The following SCN7A variants were observed in gnomAD, a reference collection of about 807,000 sequenced individuals.
The protein encoded by SCN7A is sodium voltage-gated channel alpha subunit 7.
Under a neutral mutation model 155.2 loss-of-function variants are expected in SCN7A, and 138 were observed. The observed-to-expected ratio is 0.89, with a 90% CI of 0.77 to 1.02. The LOEUF (loss-of-function observed/expected upper bound fraction) is 1.02. Ranked by LOEUF, SCN7A falls within the 50% of genes least tolerant of loss-of-function variation. SCN7A has a pLI of 0.00. For synonymous variants in SCN7A, 693 were observed against 649.0 expected, an observed-to-expected ratio of 1.07 and a Z score of -1.03; for missense variants, 2,058 against 1,986.6, an observed-to-expected ratio of 1.04 and a Z score of -0.68.
Position 166,432,545 on chromosome 2 carries a change from C to G in SCN7A, c.2365G>C (p.Asp789His). 6.2e-7 allele frequency: 1 copy of G among 1,613,360 alleles called. No individual in the cohort carries two copies. The highest frequency in any genetic ancestry group is 8.5e-7 in the Non-Finnish European group (1 of 1,179,602). The stretch of plus-strand genomic sequence containing the variant: ...TCAGAAAGGGTATGGTCAGAAATAT[C>G]TTCTTTAACATATACCTCATTTACA... ...DHVNEVYVKE[D>H]ISDHTLSELS... The change falls in exon 16 of 26, where the codon GAT becomes CAT. Residue 789 changes from aspartate (D) to histidine (H), a missense_variant. Asp to His is a moderately conservative substitution (Grantham distance 81). Coordinates refer to ENST00000643258, the MANE Select transcript of SCN7A (RefSeq NM_002976.4).
intron 21 of SCN7A, among the ~76,000 whole-genome samples, chr2:166,413,978 T>A (rs1425987392): frequency 1.3e-5 from 1 of 76,196 alleles, no homozygotes; most frequent in African/African-American, 7.1e-5. Flanking sequence ...TATATGTGTA[T>A]GTGTATATAT....
At chr2:166,471,310 T>C (rs1039277503) in intron 6 of SCN7A, among the ~76,000 whole-genome samples, 10 of 151,786 alleles carry the variant, frequency 6.6e-5, no homozygotes, top group Non-Finnish European at 1.2e-4. Context: ...TAAAGTGGGG[T>C]TAATAATACT....
chr2:166,450,828 GT>G (rs1702162629), intron 11 of SCN7A, among the ~76,000 whole-genome samples: 1 of 151,872 alleles, frequency 6.6e-6, no homozygotes, highest in Non-Finnish European at 1.5e-5. Flanking sequence ...GATTTTTTTT[GT>G]TTGTTTAAAC....
chr2:166,409,629 T>C, intron 25 of SCN7A, 36 bp downstream of exon 25: 1 of 1,364,304 alleles, frequency 7.3e-7, no homozygotes. Flanking sequence ...GAATTAATAT[T>C]ATTATCAGTA....
intron 7 of SCN7A, among the ~76,000 whole-genome samples, chr2:166,469,462 C>G (rs2105493943): frequency 6.6e-6 from 1 of 151,350 alleles, no homozygotes; most frequent in Admixed American, 6.6e-5. Flanking sequence ...AAAGAGGATA[C>G]TTTCTTTCTA....
rs181485814 is a variant in SCN7A, at chr2:166,439,613, T to C, written c.2157+1783A>G. ...ATTTTGAGTTATGAGTTATGTATGC[T>C]GATATATATGATCATTTTTTTGTTT... On this transcript the variant is annotated intron_variant, in intron 15 of 25. Transcript: ENST00000643258. Among the ~76,000 whole-genome samples the C allele has an allele frequency of 2.6e-4, 40 of 152,334 alleles. No individual in the cohort carries two copies. In the East Asian group the frequency reaches 7.1e-3, roughly 27 times the overall value.
At chr2:166,431,930 C>T (rs1457426053) in intron 16 of SCN7A, among the ~76,000 whole-genome samples, 1 of 151,968 alleles carries the variant, frequency 6.6e-6, no homozygotes, top group Non-Finnish European at 1.5e-5. Flanking sequence ...AAATCATACA[C>T]CTTGATTTAG....
rs565401321 is a variant in SCN7A, at chr2:166,429,182, C to T, written c.2685G>A (p.Lys895=). The T allele has an allele frequency of 3.9e-5, 59 of 1,530,954 alleles. No homozygotes were observed. In the Admixed American group the frequency reaches 9.3e-4, roughly 24 times the overall value. The allele number at this position is 1,530,954 out of a possible 1,614,324, so 94.8% of individuals were successfully genotyped here. A position where few individuals can be genotyped will look rare whatever the true frequency, so the allele number is the denominator to read the frequency against. ...AAATTTTCTTACCATTTTTCAGATG[C>T]TTTGATCTTTCACCTCCATAGAACA... ...EEMFYGGERS[K]HLKNGCRRGS... is the part of the protein sequence containing the mutation. Residue 895 remains lysine, a synonymous_variant, in exon 17 of 26, where the codon AAG becomes AAA. Transcript: ENST00000643258.
chr2:166,473,052 GA>G (rs1413663220), intron 5 of SCN7A, among the ~76,000 whole-genome samples: 1 of 151,604 alleles, frequency 6.6e-6, no homozygotes, highest in East Asian at 1.9e-4. Flanking sequence ...AGAGGATCAT[GA>G]AAAAAATAAC....
At chr2:166,418,112 TA>T (rs1196334762) in intron 20 of SCN7A, among the ~76,000 whole-genome samples, 6 of 150,972 alleles carry the variant, frequency 4.0e-5, no homozygotes, top group Admixed American at 4.0e-4. Context: ...TTAGCTTTTT[TA>T]TTTTTTTATT....
chr2:166,475,430 T>C (rs980663192), intron 3 of SCN7A, among the ~76,000 whole-genome samples: 6 of 151,188 alleles, frequency 4.0e-5, no homozygotes, highest in South Asian at 2.1e-4. Context: ...AGTACAAATA[T>C]ACATTCAACA....
At chr2:166,421,028 A>G (rs1701499010) in intron 20 of SCN7A, among the ~76,000 whole-genome samples, 162 bp downstream of exon 20, 1 of 151,992 alleles carries the variant, frequency 6.6e-6, no homozygotes, top group Admixed American at 6.6e-5. Flanking sequence ...ATCTTAATAA[A>G]CATACCTATT....
At position 166,494,030 on chromosome 2, in the gene SCN7A, G is replaced by A. The variant is rs1683174243; in HGVS notation, c.-190C>T. On this transcript the variant is annotated 5_prime_UTR_variant, in exon 1 of 26. Transcript: ENST00000643258. ...GACCCTTCAGGAGCAGGGCTCCTTGGAGCCCTTTCCTCCTCCTGGGCTTCT... is the reference window on the plus strand; with the variant it reads ...GACCCTTCAGGAGCAGGGCTCCTTGAAGCCCTTTCCTCCTCCTGGGCTTCT... 1.3e-5 allele frequency: 2 copies of A among 152,306 alleles called. No individual in the cohort carries two copies. Among genetic ancestry groups the A allele is most frequent in the Non-Finnish European group, 2.9e-5 (2 of 68,186 alleles). 9.4% of individuals were successfully genotyped at this position (152,306 alleles called of 1,614,324 possible). A position where few individuals can be genotyped will look rare whatever the true frequency, so the allele number is the denominator to read the frequency against.
chr2:166,462,323 C>A, intron 10 of SCN7A, 66 bp downstream of exon 10: 1 of 1,460,570 alleles, frequency 6.8e-7, no homozygotes. Flanking sequence ...TTACATTTGA[C>A]CATTATCTTA....
intron 25 of SCN7A, among the ~76,000 whole-genome samples, chr2:166,407,151 G>A (rs1003918514): frequency 2.0e-5 from 3 of 151,912 alleles, no homozygotes; most frequent in Non-Finnish European, 2.9e-5. Flanking sequence ...TATAATTACA[G>A]AAATGTCTGG....
chr2:166,434,184 GATA>G (rs1289662899), intron 15 of SCN7A, among the ~76,000 whole-genome samples: 1 of 151,982 alleles, frequency 6.6e-6, no homozygotes, highest in African/African-American at 2.4e-5. Flanking sequence ...GCACATCTGG[GATA>G]ATAGTGTTTA....
chr2:166,407,338 A>G (rs1161034480), intron 25 of SCN7A, among the ~76,000 whole-genome samples: 1 of 152,016 alleles, frequency 6.6e-6, no homozygotes, highest in Non-Finnish European at 1.5e-5. Context: ...AAAACAAGGT[A>G]GAATTATAAT....
rs1374173962 is a variant in SCN7A at position 166,421,232 on chromosome 2, G to C, written c.3093C>G (p.Phe1031Leu). Residue 1031 changes from phenylalanine (F) to leucine (L), a missense_variant, in exon 20 of 26, where the codon TTC becomes TTG. Physicochemically the swap from Phe to Leu is conservative, Grantham distance 22. Transcript: ENST00000643258. The stretch of plus-strand genomic sequence containing the variant: ...GAGATAGAACTCTGAGGGGCCGAAG[G>C]AATTTCATGGAAATAAGAGGTTTTA... ...EELKPLISMK[F>L]LRPLRVLSQF... 1 of 1,534,172 alleles carries C rather than the reference G, an allele frequency of 6.5e-7. No individual in the cohort carries two copies. Among genetic ancestry groups the C allele is most frequent in the Non-Finnish European group, 8.8e-7 (1 of 1,140,838 alleles).
intron 11 of SCN7A, among the ~76,000 whole-genome samples, chr2:166,455,786 G>T (rs993443509): frequency 6.6e-6 from 1 of 152,140 alleles, no homozygotes; most frequent in African/African-American, 2.4e-5. Flanking sequence ...GGCCCTTTCT[G>T]CATCTATTGA....
Sources: gnomAD v4.1 joint callset for allele counts (sites outside exome capture counted in the v4.1 genomes callset) on GRCh38, gnomAD v4.1.1 for gene constraint, MANE v1.5 for transcripts, NCBI Gene and HGNC (gene_info 2026-07-23, HGNC 2026-07-21) for gene names.